Variants in VPS13B observed in about 807,000 individuals in gnomAD.
VPS13B encodes vacuolar protein sorting 13 homolog B.
A neutral mutation model predicts 426.4 loss-of-function variants in VPS13B; 285 were observed. The ratio of observed to expected loss-of-function variants is 0.67; its 90% CI spans 0.61 to 0.74. VPS13B has a LOEUF of 0.74. VPS13B is among the 30% of genes least tolerant of loss of function. The pLI, the probability that VPS13B is intolerant of heterozygous loss-of-function variation, is 0.00. For synonymous variants in VPS13B, 1,676 were observed against 1,676.4 expected (o/e 1.00, Z 0.01); for missense variants, 4,537 against 4,782.6 (o/e 0.95, Z 1.51).
chr8:99,501,198 G>T (rs534879789), intron 25 of VPS13B, among the ~76,000 whole-genome samples: 2 of 152,110 alleles, frequency 1.3e-5, no homozygotes, highest in East Asian at 3.9e-4. Flanking sequence ...CTATAGAAGG[G>T]GTAGACAAAT....
At chr8:99,784,239 G>A (rs1189631189) in intron 42 of VPS13B, 76 bp from the exon 43 acceptor site, 29 of 1,590,834 alleles carry the variant, frequency 1.8e-5, no homozygotes, top group East Asian at 6.7e-5. Context: ...TGTAACAATC[G>A]CCACTGGGCA....
At position 99,867,813 on chromosome 8, in the gene VPS13B, ATAC is replaced by A. The variant is rs558042856; in HGVS notation, c.11216-470_11216-468del. Among the ~76,000 whole-genome samples, 55 of 152,354 alleles carry A rather than the reference ATAC, an allele frequency of 3.6e-4. No individual in the cohort carries two copies. The South Asian group carries it at 0.011, about 30-fold the overall frequency. On this transcript the variant is annotated intron_variant, in intron 58 of 61. Transcript: ENST00000357162. Reference sequence around the variant, plus strand: ...TATCAATAATTACTCTTAAGTATTAATACTACTAAATTATGACTGTTATCATTA... The same window carrying A: ...TATCAATAATTACTCTTAAGTATTAATACTAAATTATGACTGTTATCATTA...
intron 3 of VPS13B, among the ~76,000 whole-genome samples, chr8:99,076,584 T>C (rs1240569578): frequency 6.6e-6 from 1 of 151,448 alleles, no homozygotes; most frequent in Non-Finnish European, 1.5e-5. Flanking sequence ...TCTTGCTGAA[T>C]TGATCCTTTT....
chr8:99,590,669 G>T (rs907661066), intron 33 of VPS13B, among the ~76,000 whole-genome samples: 1 of 152,126 alleles, frequency 6.6e-6, no homozygotes, highest in African/African-American at 2.4e-5. Flanking sequence ...TTAATCCTGA[G>T]TTCTAATTTG....
chr8:99,132,276 A>G (rs1161465814), intron 8 of VPS13B, among the ~76,000 whole-genome samples: 1 of 152,158 alleles, frequency 6.6e-6, no homozygotes, highest in Non-Finnish European at 1.5e-5. Flanking sequence ...TATACAGAAC[A>G]TTCTAAATTC....
In VPS13B at chr8:99,275,237, A is replaced by C. The variant is rs777042145; in HGVS notation, c.2807A>C (p.Asp936Ala). ...ACAATCCAAGTTCCACAATATATTG[A>C]CTACTGCCACAATTCCGGTAAGTAC... ...AFTIQVPQYI[D>A]YCHNSGAVLL... The change falls in exon 19 of 62, where the codon GAC (aspartate) becomes GCC (alanine). Residue 936 changes from aspartate to alanine, a missense_variant. By Grantham distance (126) the Asp-to-Ala change is moderately radical (BLOSUM62 -2). This residue lies in a region of VPS13B where 4,311 missense variants were observed against 4,474.3 expected (regional missense o/e 0.96). Transcript: ENST00000357162. 6.2e-7 allele frequency: 1 copy of C among 1,609,334 alleles called. No homozygotes were observed. The highest frequency in any genetic ancestry group is 1.1e-5 in the South Asian group (1 of 90,822).
intron 51 of VPS13B, among the ~76,000 whole-genome samples, chr8:99,826,204 A>G (rs1483157302): frequency 2.6e-5 from 4 of 152,220 alleles, no homozygotes; most frequent in Non-Finnish European, 5.9e-5. Flanking sequence ...GTCCATGAGC[A>G]TGGAATGTTT....
chr8:99,067,497 G>GT (rs367623255), intron 3 of VPS13B, among the ~76,000 whole-genome samples: 64 of 152,286 alleles, frequency 4.2e-4, no homozygotes, highest in African/African-American at 1.4e-3. Context: ...CTATCATGAT[G>GT]TGGGGGGCAG....
At chr8:99,295,166 C>G (rs1266617184) in intron 19 of VPS13B, among the ~76,000 whole-genome samples, 1 of 151,940 alleles carries the variant, frequency 6.6e-6, no homozygotes. Flanking sequence ...TCTCTTGGTA[C>G]TAGGTGATAA....
chr8:99,456,796 A>G (rs1818484309), intron 23 of VPS13B, among the ~76,000 whole-genome samples: 1 of 152,098 alleles, frequency 6.6e-6, no homozygotes, highest in South Asian at 2.1e-4. Context: ...TATCAAGTTA[A>G]TGCTAGCCTC....
intron 30 of VPS13B, among the ~76,000 whole-genome samples, chr8:99,544,784 A>C (rs1823872860): frequency 6.6e-6 from 1 of 152,180 alleles, no homozygotes; most frequent in Admixed American, 6.5e-5. Context: ...ATAATTTTCA[A>C]CTTGTTTCAA....
intron 59 of VPS13B, among the ~76,000 whole-genome samples, chr8:99,869,401 AAAGG>A (rs1335050713): frequency 6.6e-6 from 1 of 152,180 alleles, no homozygotes; most frequent in African/African-American, 2.4e-5. Context: ...ACAGCGTCTG[AAAGG>A]AAGGGAGTGG....
At chr8:99,531,736 C>A (rs1156459933) in intron 30 of VPS13B, among the ~76,000 whole-genome samples, 1 of 151,902 alleles carries the variant, frequency 6.6e-6, no homozygotes, top group East Asian at 1.9e-4. Context: ...TTTCTTCCCA[C>A]TAATCTTGTG....
At position 99,624,007 on chromosome 8, in the gene VPS13B, A is replaced by T. The variant is rs867804832; in HGVS notation, c.5221-17804A>T. 8.9e-4 allele frequency among the ~76,000 whole-genome samples: 90 copies of T among 101,102 alleles called. 1 individual carries two copies. The highest frequency in any genetic ancestry group is 5.7e-3 in the Middle Eastern group (1 of 174). 66.3% of individuals were successfully genotyped at this position (101,102 alleles called of 152,430 possible). ...CTATGAAACATACATATATATATAT[A>T]TTTTTTTTTTTTTTTTTTTTTTTTT... On this transcript the variant is annotated intron_variant, in intron 33 of 61. Transcript: ENST00000357162.
intron 25 of VPS13B, among the ~76,000 whole-genome samples, chr8:99,495,768 G>T (rs1364692637): frequency 6.6e-6 from 1 of 152,078 alleles, no homozygotes; most frequent in Non-Finnish European, 1.5e-5. Flanking sequence ...CCCTACTTAG[G>T]CTGAGATAGA....
intron 36 of VPS13B, among the ~76,000 whole-genome samples, chr8:99,700,995 G>A (rs552951104): frequency 6.6e-6 from 1 of 152,238 alleles, no homozygotes; most frequent in East Asian, 1.9e-4. Context: ...TAATTAAATT[G>A]CAGCTGTAGA....
At chr8:99,092,464 A>G (rs1164418356) in intron 3 of VPS13B, among the ~76,000 whole-genome samples, 1 of 152,208 alleles carries the variant, frequency 6.6e-6, no homozygotes, top group Non-Finnish European at 1.5e-5. Context: ...CAATGAACGA[A>G]AACTGTGTAA....
At chr8:99,818,632 A>C in intron 46 of VPS13B, 81 bp from the exon 47 acceptor site, 1 of 1,603,214 alleles carries the variant, frequency 6.2e-7, no homozygotes, top group Non-Finnish European at 8.5e-7. Context: ...GAGATTTATT[A>C]CAAGTTTGTT....
At chr8:99,164,720 CTCT>C (rs1458815263) in intron 15 of VPS13B, among the ~76,000 whole-genome samples, 3 of 151,668 alleles carry the variant, frequency 2.0e-5, no homozygotes, top group African/African-American at 7.3e-5. Context: ...TCTTCTTTGT[CTCT>C]TCTTCTCTTT....
Sources: allele counts gnomAD v4.1 joint callset (sites outside exome capture counted in the v4.1 genomes callset), GRCh38; gene constraint gnomAD v4.1.1; regional missense constraint gnomAD v4.1.1; transcripts MANE v1.5; gene names NCBI Gene and HGNC (gene_info 2026-07-23, HGNC 2026-07-21).